NFATC3: variants seen among roughly 807,000 people sequenced by gnomAD.
NFATC3 encodes nuclear factor of activated T cells 3, also known as nuclear factor of activated T-cells, cytoplasmic 3.
In NFATC3, 46 loss-of-function variants were observed where a neutral mutation model predicts 98.6. The ratio of observed to expected loss-of-function variants is 0.47; its 90% CI spans 0.37 to 0.60. The LOEUF (loss-of-function observed/expected upper bound fraction) is 0.60. Ranked by LOEUF, NFATC3 falls within the 20% of genes least tolerant of loss-of-function variation. NFATC3 has a pLI of 0.00. For missense variants in NFATC3, 1,256 were observed against 1,295.5 expected (o/e 0.97, Z 0.47); for synonymous variants, 512 against 472.2 (o/e 1.08, Z -1.09).
intron 4 of NFATC3, among the ~76,000 whole-genome samples, chr16:68,163,497 AC>A (rs1218382254): frequency 1.7e-5 from 2 of 118,886 alleles, no homozygotes; most frequent in African/African-American, 3.3e-5. Context: ...CGGGGGGCTG[AC>A]CCCCCCACTT....
intron 9 of NFATC3, among the ~76,000 whole-genome samples, chr16:68,213,435 A>C (rs1294514608): frequency 6.7e-6 from 1 of 149,648 alleles, no homozygotes; most frequent in Non-Finnish European, 1.5e-5. Flanking sequence ...TAAATAAATA[A>C]ATAAAAATTA....
rs924504645 is a variant in NFATC3 at position 68,228,029 on chromosome 16, T to C, written c.*1558T>C. 1 of 152,222 alleles carries C rather than the reference T, an allele frequency of 6.6e-6. No homozygotes were observed. Among genetic ancestry groups the C allele is most frequent in the African/African-American group, 2.4e-5 (1 of 41,446 alleles). The allele number at this position is 152,222 out of a possible 1,614,324, so 9.4% of individuals were successfully genotyped here. On this transcript the variant is annotated 3_prime_UTR_variant, in exon 10 of 10. Transcript: ENST00000346183. ...GCAGGCCCTTGATGCCAGGACTCTC[T>C]CTACTAAGGCCAGTTCAGGTCTGGG...
At chr16:68,112,225 C>T (rs929280985) in intron 1 of NFATC3, among the ~76,000 whole-genome samples, 17 of 146,152 alleles carry the variant, frequency 1.2e-4, no homozygotes, top group South Asian at 4.4e-4. Flanking sequence ...GACTTGGATG[C>T]GATCTCCCCG....
chr16:68,147,276 T>C (rs1438945416), intron 3 of NFATC3, among the ~76,000 whole-genome samples: 3 of 152,154 alleles, frequency 2.0e-5, no homozygotes, highest in Non-Finnish European at 4.4e-5. Flanking sequence ...ATAGCAAACT[T>C]TTTTATTTAT....
chr16:68,134,712 T>TTG (rs1567514731), intron 3 of NFATC3, among the ~76,000 whole-genome samples: 1 of 152,144 alleles, frequency 6.6e-6, no homozygotes, highest in African/African-American at 2.4e-5. Context: ...GGGGTTTTTT[T>TTG]GGGGGGATGG....
rs1404186268 is a variant in NFATC3, at chr16:68,124,495, C to T, written c.1238+1374C>T. On this transcript the variant is annotated intron_variant, in intron 2 of 9. Transcript: ENST00000346183. ...TTGCCCAGGCTGGAGTGCAATGGCGCGATCTCGGCTTACTGCAAGCTCCGC... is the reference window on the plus strand; with the variant it reads ...TTGCCCAGGCTGGAGTGCAATGGCGTGATCTCGGCTTACTGCAAGCTCCGC... Among the ~76,000 whole-genome samples, 12 of 150,230 alleles carry T rather than the reference C, an allele frequency of 8.0e-5. No homozygotes were observed. In the South Asian group the frequency reaches 2.1e-3, roughly 26 times the overall value.
chr16:68,145,292 C>T (rs12447931), intron 3 of NFATC3, among the ~76,000 whole-genome samples: 17,746 of 151,842 alleles, frequency 0.12, 1,200 homozygotes, highest in South Asian at 0.2. Flanking sequence ...TACAGGTGTG[C>T]GCCACCATGC....
chr16:68,182,873 G>C (rs2040007441), intron 7 of NFATC3, among the ~76,000 whole-genome samples: 1 of 152,058 alleles, frequency 6.6e-6, no homozygotes, highest in South Asian at 2.1e-4. Flanking sequence ...AAACTATAAT[G>C]CTACTTGGGA....
intron 8 of NFATC3, among the ~76,000 whole-genome samples, chr16:68,188,225 G>A (rs1174379306): frequency 6.6e-6 from 1 of 152,228 alleles, no homozygotes; most frequent in South Asian, 2.1e-4. Flanking sequence ...AGCTGTTGCG[G>A]GAGGGGGGCT....
At chr16:68,184,697 A>G (rs1026608978) in intron 8 of NFATC3, among the ~76,000 whole-genome samples, 2 of 151,950 alleles carry the variant, frequency 1.3e-5, no homozygotes, top group Admixed American at 6.6e-5. Context: ...CCAGCTACTC[A>G]GGAGGCTGAG....
rs781135601 is a variant in NFATC3, at chr16:68,191,052, A to G, written c.2383A>G (p.Thr795Ala). The G allele has an allele frequency of 1.2e-6, 2 of 1,614,158 alleles. No homozygotes were observed. Among genetic ancestry groups the G allele is most frequent in the African/African-American group, 1.3e-5 (1 of 75,028 alleles). ...IVHQPFQVTPTPPVGSSYQPM... is the reference protein window; with the variant it reads ...IVHQPFQVTPAPPVGSSYQPM... Reference sequence around the variant, plus strand: ...ACACCAGCCTTTTCAAGTCACACCAACACCTCCTGTGGGGTCTTCCTATCA... The same window carrying G: ...ACACCAGCCTTTTCAAGTCACACCAGCACCTCCTGTGGGGTCTTCCTATCA... Residue 795 changes from threonine to alanine, a missense_variant, in exon 9 of 10, where the codon ACA becomes GCA. This residue lies in a region of NFATC3 where 636 missense variants were observed against 617.3 expected (regional missense o/e 1.03). Transcript: ENST00000346183.
chr16:68,196,859 C>G (rs1598568916), intron 9 of NFATC3, among the ~76,000 whole-genome samples: 2 of 151,604 alleles, frequency 1.3e-5, no homozygotes, highest in Admixed American at 6.6e-5. Context: ...GGAGAAACCC[C>G]GTCTCTACCA....
chr16:68,189,418 A>G (rs2040344806), intron 8 of NFATC3: 1 of 214,280 alleles, frequency 4.7e-6, no homozygotes. Context: ...CCTTGGACAC[A>G]TGGGAAAAAA....
chr16:68,094,010 C>A (rs1190378120), intron 1 of NFATC3, among the ~76,000 whole-genome samples: 1 of 152,192 alleles, frequency 6.6e-6, no homozygotes, highest in Non-Finnish European at 1.5e-5. Flanking sequence ...CTTCTTATTC[C>A]TGCCTGCTCT....
At chr16:68,163,825 C>T (rs1352258910) in intron 4 of NFATC3, among the ~76,000 whole-genome samples, 1 of 151,618 alleles carries the variant, frequency 6.6e-6, no homozygotes, top group Non-Finnish European at 1.5e-5. Context: ...AGAGACGCTC[C>T]TCACTTCCTA....
intron 9 of NFATC3, among the ~76,000 whole-genome samples, chr16:68,207,960 CT>C (rs2041219132): frequency 6.6e-6 from 1 of 152,156 alleles, no homozygotes; most frequent in South Asian, 2.1e-4. Flanking sequence ...TCCCTATTGA[CT>C]AATGGTGTTG....
intron 1 of NFATC3, among the ~76,000 whole-genome samples, chr16:68,111,141 T>C (rs1318254078): frequency 6.6e-6 from 1 of 151,760 alleles, no homozygotes; most frequent in Non-Finnish European, 1.5e-5. Context: ...TGGGTAAGTC[T>C]ACTTGATCAC....
chr16:68,116,483 T>A (rs1415172560), intron 1 of NFATC3, among the ~76,000 whole-genome samples: 1 of 152,158 alleles, frequency 6.6e-6, no homozygotes, highest in East Asian at 1.9e-4. Flanking sequence ...ATGGTGAAAT[T>A]TCTGAAGCAC....
intron 9 of NFATC3, among the ~76,000 whole-genome samples, chr16:68,208,655 G>T (rs558108292): frequency 9.9e-5 from 15 of 152,154 alleles, no homozygotes; most frequent in African/African-American, 3.4e-4. Flanking sequence ...GCTTGAACCT[G>T]GGAGACAGAA....
Sources: gnomAD v4.1 joint callset for allele counts (sites outside exome capture counted in the v4.1 genomes callset) on GRCh38, gnomAD v4.1.1 for gene constraint, gnomAD v4.1.1 regional missense constraint, MANE v1.5 for transcripts, NCBI Gene and HGNC (gene_info 2026-07-23, HGNC 2026-07-21) for gene names.